NDC1: variants seen among roughly 807,000 people sequenced by gnomAD.
The protein encoded by NDC1 is NDC1 transmembrane nucleoporin, also known as nucleoporin NDC1.
A neutral mutation model predicts 89.8 loss-of-function variants in NDC1; 24 were observed. That is an observed-to-expected ratio of 0.27 (90% CI 0.19 to 0.38). The LOEUF (loss-of-function observed/expected upper bound fraction) is 0.38. NDC1 is among the 10% of genes least tolerant of loss of function. The pLI is 1.00. For missense variants in NDC1, 728 were observed against 797.6 expected (o/e 0.91, Z 1.05); for synonymous variants, 296 against 284.8 (o/e 1.04, Z -0.39).
chr1:53,772,642 G>A (rs999892644), intron 16 of NDC1, among the ~76,000 whole-genome samples, 153 bp from the exon 17 acceptor site: 4 of 149,296 alleles, frequency 2.7e-5, no homozygotes, highest in East Asian at 1.9e-4. Context: ...CAGACTGGGC[G>A]ACAGAGATCC....
intron 5 of NDC1, among the ~76,000 whole-genome samples, chr1:53,819,591 G>A (rs913806085): frequency 2.0e-5 from 3 of 152,192 alleles, no homozygotes; most frequent in African/African-American, 7.2e-5. Context: ...ATCAATCCAG[G>A]CAGGCTGGCT....
intron 14 of NDC1, among the ~76,000 whole-genome samples, chr1:53,791,204 G>A (rs946231994): frequency 1.6e-4 from 24 of 152,054 alleles, no homozygotes; most frequent in Non-Finnish European, 2.2e-4. Flanking sequence ...TGGCTCACGC[G>A]GTCAGGAGAT....
chr1:53,799,514 G>T (rs1224333666), intron 11 of NDC1, among the ~76,000 whole-genome samples: 3 of 152,140 alleles, frequency 2.0e-5, no homozygotes, highest in Non-Finnish European at 4.4e-5. Context: ...GAAACTAGAT[G>T]AGTTTGCTTT....
At chr1:53,795,294 T>C (rs1041609545) in intron 13 of NDC1, among the ~76,000 whole-genome samples, 1 of 152,194 alleles carries the variant, frequency 6.6e-6, no homozygotes, top group Non-Finnish European at 1.5e-5. Flanking sequence ...TTCAAGAGTT[T>C]GCATCGAGTC....
intron 16 of NDC1, among the ~76,000 whole-genome samples, chr1:53,774,439 T>C (rs1647144796): frequency 6.6e-6 from 1 of 152,342 alleles, no homozygotes; most frequent in South Asian, 2.1e-4. Flanking sequence ...TTTTCAATTT[T>C]CTTGCAAATG....
rs756728968 is a variant in NDC1 at position 53,767,927 on chromosome 1, T to A, written c.*43A>T. The A allele has an allele frequency of 8.4e-7, 1 of 1,190,650 alleles. No individual in the cohort carries two copies. Among genetic ancestry groups the A allele is most frequent in the Non-Finnish European group, 1.2e-6 (1 of 821,826 alleles). The allele number at this position is 1,190,650 out of a possible 1,614,324, so 73.8% of individuals were successfully genotyped here. A position where few individuals can be genotyped will look rare whatever the true frequency, so the allele number is the denominator to read the frequency against. The stretch of plus-strand genomic sequence containing the variant: ...TGCTGAACATTTACTGTCCCATCTG[T>A]AGTTGTATCAGCAGTGTAATGAACA... On this transcript the variant is annotated 3_prime_UTR_variant, in exon 18 of 18. Coordinates refer to ENST00000371429, the MANE Select transcript of NDC1 (RefSeq NM_018087.5).
At position 53,804,036 on chromosome 1, in the gene NDC1, T is replaced by A. The variant is rs777516478; in HGVS notation, c.985-27A>T. ...TAACAGGGGGAAAAAACACATATTA[T>A]TTAATTTTTTTTAACCTCTACATAA... On this transcript the variant is annotated intron_variant, in intron 9 of 17. Coordinates refer to ENST00000371429, the MANE Select transcript of NDC1 (RefSeq NM_018087.5). The A allele has an allele frequency of 6.2e-5, 95 of 1,527,086 alleles. No individual in the cohort carries two copies. In the East Asian group the frequency reaches 2.1e-3, roughly 34 times the overall value. 94.6% of individuals were successfully genotyped at this position (1,527,086 alleles called of 1,614,324 possible).
Position 53,835,711 on chromosome 1 carries a change from C to A in NDC1, c.58-91G>T, listed in dbSNP as rs80051286. 789 of 1,096,332 alleles carry A rather than the reference C, an allele frequency of 7.2e-4. 4 individuals carry two copies. The African/African-American group carries it at 9.3e-3, about 13-fold the overall frequency. 67.9% of individuals were successfully genotyped at this position (1,096,332 alleles called of 1,614,324 possible). A position where few individuals can be genotyped will look rare whatever the true frequency, so the allele number is the denominator to read the frequency against. On this transcript the variant is annotated intron_variant, in intron 1 of 17. Coordinates refer to ENST00000371429, the MANE Select transcript of NDC1 (RefSeq NM_018087.5). ...ATCTTTTCATACAGGATGTTAACCACTAACTCAGATCATAATCCGTAACTC... is the reference window on the plus strand; with the variant it reads ...ATCTTTTCATACAGGATGTTAACCAATAACTCAGATCATAATCCGTAACTC...
chr1:53,798,345 T>C (rs1229112086), intron 11 of NDC1, among the ~76,000 whole-genome samples: 1 of 150,842 alleles, frequency 6.6e-6, no homozygotes, highest in Non-Finnish European at 1.5e-5. Flanking sequence ...AATTTTTGTA[T>C]TTTTAGTAGA....
chr1:53,791,856 G>A (rs1242786203), intron 14 of NDC1, among the ~76,000 whole-genome samples: 1 of 152,098 alleles, frequency 6.6e-6, no homozygotes, highest in African/African-American at 2.4e-5. Flanking sequence ...ATATCTCACA[G>A]GAATGCTGTT....
chr1:53,767,202 A>C lies in NDC1; in HGVS notation c.*768T>G, dbSNP rs1038054463. The C allele has an allele frequency of 6.6e-6, 1 of 152,192 alleles. No homozygotes were observed. Among genetic ancestry groups the C allele is most frequent in the Non-Finnish European group, 1.5e-5 (1 of 68,016 alleles). 9.4% of individuals were successfully genotyped at this position (152,192 alleles called of 1,614,324 possible). On this transcript the variant is annotated 3_prime_UTR_variant, in exon 18 of 18. Transcript: ENST00000371429. ...ACTTAATGTTTTGCTCCAGAAAAAG[A>C]AAGCAAAACTAGCTGGGAAAATACC...
intron 3 of NDC1, among the ~76,000 whole-genome samples, chr1:53,829,339 C>T (rs574665645): frequency 2.9e-4 from 44 of 152,300 alleles, no homozygotes; most frequent in African/African-American, 9.9e-4. Flanking sequence ...TAACTTATAA[C>T]ACTCTAAATA....
chr1:53,790,157 G>C (rs1183073447), intron 14 of NDC1, among the ~76,000 whole-genome samples: 1 of 151,804 alleles, frequency 6.6e-6, no homozygotes, highest in Non-Finnish European at 1.5e-5. Flanking sequence ...CTGAGGTCAG[G>C]AGTTCGAGAC....
At position 53,825,782 on chromosome 1, in the gene NDC1, G is replaced by A. The variant is rs1173677825; in HGVS notation, c.594+16C>T. ...CAGCCAAATTTTGACATCAAGTAAT[G>A]CTCAAATGATCTTACCTGTATGATG... is the stretch of plus-strand genomic sequence containing the variant. On this transcript the variant is annotated intron_variant, in intron 5 of 17. Transcript: ENST00000371429. 1.6e-5 allele frequency: 25 copies of A among 1,561,130 alleles called. No homozygotes were observed. Among genetic ancestry groups the A allele is most frequent in the Non-Finnish European group, 2.1e-5 (24 of 1,160,934 alleles).
intron 17 of NDC1, among the ~76,000 whole-genome samples, chr1:53,770,440 G>A (rs138159721): frequency 6.6e-6 from 1 of 152,018 alleles, no homozygotes; most frequent in African/African-American, 2.4e-5. Context: ...TGGAGTAGCT[G>A]GGATTATAGT....
chr1:53,823,317 T>C (rs962856852), intron 5 of NDC1, among the ~76,000 whole-genome samples: 1 of 152,206 alleles, frequency 6.6e-6, no homozygotes, highest in African/African-American at 2.4e-5. Flanking sequence ...TTTGACCAAA[T>C]ACTGAATTAC....
At chr1:53,803,258 G>C (rs549081492) in intron 10 of NDC1, among the ~76,000 whole-genome samples, 1 of 152,028 alleles carries the variant, frequency 6.6e-6, no homozygotes, top group Admixed American at 6.6e-5. Context: ...GTAGAAGAGC[G>C]GTCTCATCAT....
rs541431018 is a variant in NDC1, at chr1:53,773,887, T to C, written c.1801-1398A>G. On this transcript the variant is annotated intron_variant, in intron 16 of 17. Coordinates refer to ENST00000371429, the MANE Select transcript of NDC1 (RefSeq NM_018087.5). ...TCAGACTACAGTGGAAGAGGAGCAATTACCCCACATCATAGGATCTAGGGA... is the reference window on the plus strand; with the variant it reads ...TCAGACTACAGTGGAAGAGGAGCAACTACCCCACATCATAGGATCTAGGGA... Among the ~76,000 whole-genome samples the C allele has an allele frequency of 3.5e-4, 53 of 152,224 alleles. 1 individual carries two copies. The Middle Eastern group carries it at 0.014, about 39-fold the overall frequency.
At chr1:53,800,878 TG>T in intron 10 of NDC1, 30 bp from the exon 11 acceptor site, 1 of 1,541,260 alleles carries the variant, frequency 6.5e-7, no homozygotes, top group Non-Finnish European at 8.7e-7. Context: ...GCTTTTAAAA[TG>T]TAAATAATCT....
Sources: allele counts gnomAD v4.1 joint callset (sites outside exome capture counted in the v4.1 genomes callset), GRCh38; gene constraint gnomAD v4.1.1; transcripts MANE v1.5; gene names NCBI Gene and HGNC (gene_info 2026-07-23, HGNC 2026-07-21).